DPP10: variants seen among roughly 807,000 people sequenced by gnomAD.
DPP10 encodes the protein inactive dipeptidyl peptidase 10.
In DPP10, 33 loss-of-function variants were observed where a neutral mutation model predicts 120.9. The ratio of observed to expected loss-of-function variants is 0.27; its 90% CI spans 0.21 to 0.37. The LOEUF (loss-of-function observed/expected upper bound fraction) is 0.37, where lower values mean the gene tolerates loss of function less well. Among genes scored for constraint, DPP10 ranks in the 10% least tolerant of loss-of-function variants. The pLI is 1.00. For missense variants in DPP10, 816 were observed against 942.8 expected, an observed-to-expected ratio of 0.87 and a Z score of 1.76; for synonymous variants, 337 against 326.1, an observed-to-expected ratio of 1.03 and a Z score of -0.36.
In DPP10 at chr2:115,727,806, C is replaced by T. The variant is rs777738297; in HGVS notation, c.577-10C>T. On this transcript the variant is annotated splice_polypyrimidine_tract_variant and intron_variant, in intron 7 of 25. Transcript: ENST00000410059. ...TGGATTTTTTGTTTGTTTCACATTT[C>T]CTGATCCAGATTTATATTTTTGAAA... 12 of 1,576,024 alleles carry T rather than the reference C, an allele frequency of 7.6e-6. No individual in the cohort carries two copies. The Admixed American group carries it at 9.8e-5, about 13-fold the overall frequency.
chr2:115,823,951 C>T (rs1232305205), intron 21 of DPP10, among the ~76,000 whole-genome samples: 1 of 152,170 alleles, frequency 6.6e-6, no homozygotes, highest in Admixed American at 6.6e-5. Context: ...TTCTAGTCAA[C>T]TTCTTTTCTT....
chr2:114,445,728 A>G (rs1034199118), intron 1 of DPP10, among the ~76,000 whole-genome samples: 2 of 152,120 alleles, frequency 1.3e-5, no homozygotes. Context: ...AAGATGATCA[A>G]GAGTATTCAG....
intron 1 of DPP10, among the ~76,000 whole-genome samples, chr2:114,694,392 A>G (rs1387937410): frequency 6.6e-6 from 1 of 151,956 alleles, no homozygotes; most frequent in African/African-American, 2.4e-5. Flanking sequence ...ATTCTTATTT[A>G]AATATGATTT....
chr2:115,113,324 T>C (rs1051940348), intron 1 of DPP10, among the ~76,000 whole-genome samples: 5 of 152,118 alleles, frequency 3.3e-5, no homozygotes, highest in Non-Finnish European at 7.4e-5. Context: ...ATGTGCTTTT[T>C]AAAGTCTAAA....
chr2:114,841,739 A>G (rs1688175957), intron 1 of DPP10, among the ~76,000 whole-genome samples: 1 of 152,140 alleles, frequency 6.6e-6, no homozygotes. Context: ...GAACTTACCC[A>G]GCACAGGATG....
chr2:114,450,320 G>A lies in DPP10; in HGVS notation c.60+7482G>A, dbSNP rs13417685. On this transcript the variant is annotated intron_variant, in intron 1 of 25. Transcript: ENST00000410059. The stretch of plus-strand genomic sequence containing the variant: ...ACTGTTATGTTCTTACCTAATCGCC[G>A]ATGTTCTCATATAGTCTTCTGTACC... Among the ~76,000 whole-genome samples the A allele has an allele frequency of 4.7e-3, 707 of 152,038 alleles. 7 individuals carry two copies. The highest frequency in any genetic ancestry group is 0.016 in the African/African-American group (684 of 41,468).
At chr2:115,146,099 T>C (rs2051210570) in intron 1 of DPP10, among the ~76,000 whole-genome samples, 1 of 152,134 alleles carries the variant, frequency 6.6e-6, no homozygotes, top group Non-Finnish European at 1.5e-5. Flanking sequence ...AAGAGTTAAG[T>C]ACACTGCTAG....
At chr2:114,980,201 T>G (rs183836839) in intron 1 of DPP10, among the ~76,000 whole-genome samples, 1,830 of 152,268 alleles carry the variant, frequency 0.012, 48 homozygotes, top group African/African-American at 0.04. Context: ...ATTATTTTTC[T>G]TGATTCCTCA....
At chr2:115,808,247 A>G (rs753611506) in intron 19 of DPP10, among the ~76,000 whole-genome samples, 27 of 152,352 alleles carry the variant, frequency 1.8e-4, no homozygotes, top group Admixed American at 2.6e-4. Context: ...GACTACTAGA[A>G]TAATAAAGAG....
intron 5 of DPP10, among the ~76,000 whole-genome samples, chr2:115,646,758 A>G (rs1575429606): frequency 6.6e-6 from 1 of 152,118 alleles, no homozygotes; most frequent in Non-Finnish European, 1.5e-5. Flanking sequence ...CTGAGCCTCA[A>G]TTTCCTTCTC....
At chr2:115,402,856 T>A (rs9752253) in intron 3 of DPP10, among the ~76,000 whole-genome samples, 11,017 of 73,738 alleles carry the variant, frequency 0.15, 746 homozygotes, top group African/African-American at 0.27. Flanking sequence ...AAAAAAAAAA[T>A]ATATATATAT....
chr2:115,052,242 G>A (rs1013232484), intron 1 of DPP10, among the ~76,000 whole-genome samples: 2 of 151,936 alleles, frequency 1.3e-5, no homozygotes, highest in East Asian at 1.9e-4. Context: ...GAAAATATAC[G>A]TGCAAATTTC....
intron 19 of DPP10, among the ~76,000 whole-genome samples, chr2:115,813,279 G>T (rs115767490): frequency 9.9e-5 from 15 of 152,224 alleles, no homozygotes; most frequent in African/African-American, 3.4e-4. Context: ...TTCTCACAGC[G>T]CTGAAGGCTA....
chr2:115,189,745 C>T (rs2054729617), intron 1 of DPP10, among the ~76,000 whole-genome samples: 1 of 152,118 alleles, frequency 6.6e-6, no homozygotes, highest in African/African-American at 2.4e-5. Context: ...TAAGTGCTGC[C>T]TCTATGAGTC....
intron 3 of DPP10, among the ~76,000 whole-genome samples, chr2:115,344,527 A>T (rs1288515667): frequency 1.3e-4 from 20 of 152,258 alleles, no homozygotes; most frequent in African/African-American, 4.6e-4. Context: ...GACTCTATGC[A>T]AAATTGAAAT....
intron 1 of DPP10, among the ~76,000 whole-genome samples, chr2:114,770,078 TTTG>T (rs559671752): frequency 9.9e-5 from 15 of 152,090 alleles, no homozygotes; most frequent in South Asian, 2.1e-4. Context: ...AAGATGCCAT[TTTG>T]TTGTTGTTGT....
intron 9 of DPP10, among the ~76,000 whole-genome samples, chr2:115,740,762 AT>A (rs963305730): frequency 8.7e-4 from 132 of 151,916 alleles, no homozygotes; most frequent in African/African-American, 2.9e-3. Context: ...TTAAACATGT[AT>A]TTTTTCCCAA....
intron 1 of DPP10, among the ~76,000 whole-genome samples, chr2:114,734,469 C>A (rs905648710): frequency 2.6e-5 from 4 of 152,158 alleles, no homozygotes; most frequent in African/African-American, 9.7e-5. Context: ...TGGAAACCCC[C>A]ACTTTGAGAA....
At chr2:115,254,041 T>G (rs1443365777) in intron 1 of DPP10, among the ~76,000 whole-genome samples, 1 of 151,806 alleles carries the variant, frequency 6.6e-6, no homozygotes, top group Non-Finnish European at 1.5e-5. Flanking sequence ...CCTTCTTAAC[T>G]CTTGTACTCT....
Sources: gnomAD v4.1 joint callset for allele counts (sites outside exome capture counted in the v4.1 genomes callset) on GRCh38, gnomAD v4.1.1 for gene constraint, MANE v1.5 for transcripts, NCBI Gene and HGNC (gene_info 2026-07-23, HGNC 2026-07-21) for gene names.